COL5A3: variants seen among roughly 807,000 people sequenced by gnomAD.
COL5A3 encodes collagen type V alpha 3 chain, also known as collagen alpha-3(V) chain.
Under a neutral mutation model 250.0 loss-of-function variants are expected in COL5A3, and 172 were observed. That is an observed-to-expected ratio of 0.69 (90% confidence interval 0.61 to 0.78). The LOEUF (loss-of-function observed/expected upper bound fraction) is 0.78. Ranked by LOEUF, COL5A3 falls within the 30% of genes least tolerant of loss-of-function variation. COL5A3 has a pLI of 0.00. For missense variants in COL5A3, 2,340 were observed against 2,334.4 expected (o/e 1.00, Z -0.05); for synonymous variants, 937 against 900.4 (o/e 1.04, Z -0.73).
At chr19:9,969,443 A>T in intron 56 of COL5A3, 41 bp from the exon 57 acceptor site, 1 of 1,599,876 alleles carries the variant, frequency 6.3e-7, no homozygotes. Context: ...GCACCCTGTC[A>T]GAACACAGTG....
rs1308963677 is a variant in COL5A3 at position 9,979,905 on chromosome 19, G to A, written c.2659-13C>T. 1.3e-6 allele frequency: 2 copies of A among 1,570,652 alleles called. No individual in the cohort carries two copies. The highest frequency in any genetic ancestry group is 2.8e-5 in the African/African-American group (2 of 72,182). On this transcript the variant is annotated splice_polypyrimidine_tract_variant and intron_variant, in intron 36 of 66. Coordinates refer to ENST00000264828, the MANE Select transcript of COL5A3 (RefSeq NM_015719.4). ...TACCTTGGTGACCCTGGGGGATGAG[G>A]TGGGAAAAAGTTGGGGCACAGATAC...
chr19:10,006,536 C>A (rs1316986347), intron 1 of COL5A3, among the ~76,000 whole-genome samples: 1 of 152,128 alleles, frequency 6.6e-6, no homozygotes. Flanking sequence ...GCCTAAGCCC[C>A]AGAGTGGAAC....
rs146046518 is a variant in COL5A3, at chr19:9,990,815, A to G, written c.1992+795T>C. 9.8e-3 allele frequency among the ~76,000 whole-genome samples: 1,497 copies of G among 152,244 alleles called. 28 individuals are homozygous for G. Among genetic ancestry groups the G allele is most frequent in the East Asian group, 0.078 (402 of 5,178 alleles). ...CCTGACCTCGTGATCCCCCCATCTC[A>G]GCCTCCCAAAGTGCTAGGATTACAG... On this transcript the variant is annotated intron_variant, in intron 24 of 66. Coordinates refer to ENST00000264828, the MANE Select transcript of COL5A3 (RefSeq NM_015719.4).
rs977164353 is a variant in COL5A3, at chr19:10,010,418, A to C, written c.-33T>G. 1.9e-5 allele frequency: 26 copies of C among 1,333,822 alleles called. No homozygotes were observed. The highest frequency in any genetic ancestry group is 2.3e-5 in the Non-Finnish European group (24 of 1,032,032). The allele number at this position is 1,333,822 out of a possible 1,614,324, so 82.6% of individuals were successfully genotyped here. On this transcript the variant is annotated 5_prime_UTR_variant, in exon 1 of 67. Transcript: ENST00000264828. ...GGGCCCACGGGCAAGGCGGGGAACC[A>C]GTCGGGGCGGCTGCGGGGCGCGGCG... is the stretch of plus-strand genomic sequence containing the variant.
In COL5A3 at chr19:10,006,209, G is replaced by C. The variant is rs1198213747; in HGVS notation, c.111C>G (p.Ala37=). 6.2e-7 allele frequency: 1 copy of C among 1,602,210 alleles called. No homozygotes were observed. Among genetic ancestry groups the C allele is most frequent in the South Asian group, 1.1e-5 (1 of 89,234 alleles). The change falls in exon 2 of 67, where the codon GCC becomes GCG. Residue 37 remains alanine (A), a synonymous_variant. Coordinates refer to ENST00000264828, the MANE Select transcript of COL5A3 (RefSeq NM_015719.4). Reference sequence around the variant, plus strand: ...CAGCCTGGCCTCCCTGCACACCCAGGGCCTTCAGGACATCCACAGGATCTG... The same window carrying C: ...CAGCCTGGCCTCCCTGCACACCCAGCGCCTTCAGGACATCCACAGGATCTG... ...TQADPVDVLK[A]LGVQGGQAGV...
rs1270876077 is a variant in COL5A3, at chr19:10,010,375, C to T, written c.11G>A (p.Arg4His). ...GGCCCGCGGCTGGCCCAGGTCCCGGCGGTTCCCCATCCCGGCGGGGCCCAC... is the reference window on the plus strand; with the variant it reads ...GGCCCGCGGCTGGCCCAGGTCCCGGTGGTTCCCCATCCCGGCGGGGCCCAC... Reference protein sequence around the residue: MGNRRDLGQPRAGL... With the variant: MGNHRDLGQPRAGL... Residue 4 changes from arginine to histidine, a missense_variant, in exon 1 of 67, where the codon CGC (arginine) becomes CAC (histidine). By Grantham distance (29) the Arg-to-His change is conservative. Transcript: ENST00000264828. 2 of 1,450,148 alleles carry T rather than the reference C, an allele frequency of 1.4e-6. No homozygotes were observed. The highest frequency in any genetic ancestry group is 2.8e-5 in the South Asian group (2 of 70,820). 89.8% of individuals were successfully genotyped at this position (1,450,148 alleles called of 1,614,324 possible). A position where few individuals can be genotyped will look rare whatever the true frequency, so the allele number is the denominator to read the frequency against.
In COL5A3 at chr19:9,965,599, C is replaced by A. The variant is rs193131704; in HGVS notation, c.4782+715G>T. On this transcript the variant is annotated intron_variant, in intron 64 of 66. Transcript: ENST00000264828. ...CCCCGAGTAGCTGGGATTACAGGCG[C>A]CCGCCATCACGCTCAGCTGATTTTT... is the stretch of plus-strand genomic sequence containing the variant. Among the ~76,000 whole-genome samples the A allele has an allele frequency of 2.4e-3, 360 of 151,972 alleles. 1 individual carries two copies. The highest frequency in any genetic ancestry group is 4.4e-3 in the Non-Finnish European group (296 of 67,960).
chr19:9,973,683 C>G (rs376856666), intron 49 of COL5A3, 60 bp from the exon 50 acceptor site: 234 of 1,611,082 alleles, frequency 1.5e-4, no homozygotes, highest in Non-Finnish European at 3.1e-5. Flanking sequence ...GGAGGGGCTC[C>G]CCAGAATGTC....
In COL5A3 at chr19:9,968,792, T is replaced by C. The variant is rs1239396054; in HGVS notation, c.4153-64A>G. Reference sequence around the variant, plus strand: ...GTGAACTCGAGGTCTGTGTGGGTGGTTAGGGGATGGTCAAATGGGAAATTA... The same window carrying C: ...GTGAACTCGAGGTCTGTGTGGGTGGCTAGGGGATGGTCAAATGGGAAATTA... On this transcript the variant is annotated intron_variant, in intron 57 of 66. Coordinates refer to ENST00000264828, the MANE Select transcript of COL5A3 (RefSeq NM_015719.4). This position sits in a 1 kb window ranked among gnomAD's most constrained non-coding sequence, Gnocchi z 4.1. 1.1e-5 allele frequency: 16 copies of C among 1,404,730 alleles called. No homozygotes were observed. Among genetic ancestry groups the C allele is most frequent in the East Asian group, 2.3e-5 (1 of 42,786 alleles). The allele number at this position is 1,404,730 out of a possible 1,614,324, so 87.0% of individuals were successfully genotyped here.
chr19:10,005,809 G>A lies in COL5A3; in HGVS notation c.424C>T (p.Leu142Phe). The change falls in exon 3 of 67, where the codon CTC (leucine) becomes TTC (phenylalanine). Residue 142 changes from leucine (L) to phenylalanine (F), a missense_variant. Physicochemically the swap from Leu to Phe is conservative, Grantham distance 22 (BLOSUM62 0). Coordinates refer to ENST00000264828, the MANE Select transcript of COL5A3 (RefSeq NM_015719.4). ...CCCCATGCTCACCTGCCATCTGTGA[G>A]GTTGACCTGCTGGGGGAGGGGGCGG... is the stretch of plus-strand genomic sequence containing the variant. ...PFRPLPQQVNLTDGRWHRVAV... is the reference protein window; with the variant it reads ...PFRPLPQQVNFTDGRWHRVAV... The A allele has an allele frequency of 6.2e-7, 1 of 1,611,504 alleles. No homozygotes were observed. Among genetic ancestry groups the A allele is most frequent in the South Asian group, 1.1e-5 (1 of 90,848 alleles).
In COL5A3 at chr19:9,993,404, A is replaced by C; in HGVS notation, c.1725T>G (p.Gly575=). The change falls in exon 19 of 67, where the codon GGT becomes GGG. Residue 575 remains glycine (G), a synonymous_variant. Coordinates refer to ENST00000264828, the MANE Select transcript of COL5A3 (RefSeq NM_015719.4). ...RGDFGHVGQP[G]PPGEDGERGA... ...CCCTCTCACCATCCTCTCCTGGGGG[A>C]CCGGGTTGCCCCACATGGCCAAAGT... The C allele has an allele frequency of 6.2e-7, 1 of 1,613,928 alleles. No individual in the cohort carries two copies. Among genetic ancestry groups the C allele is most frequent in the Non-Finnish European group, 8.5e-7 (1 of 1,179,968 alleles).
rs1377465531 is a variant in COL5A3 at position 9,997,377 on chromosome 19, A to G, written c.1257T>C (p.Gly419=). ...CCCAGTGGGAGTCTCTTACCGGTGGACCAGGGTCGCCAGGGAATCCTGGGG... is the reference window on the plus strand; with the variant it reads ...CCCAGTGGGAGTCTCTTACCGGTGGGCCAGGGTCGCCAGGGAATCCTGGGG... The part of the protein sequence containing the change: ...PGPPGFPGDP[G]PPGPAGLPGI... The change falls in exon 11 of 67, where the codon GGT becomes GGC. Residue 419 remains glycine, a synonymous_variant. Coordinates refer to ENST00000264828, the MANE Select transcript of COL5A3 (RefSeq NM_015719.4). 1.2e-6 allele frequency: 2 copies of G among 1,609,132 alleles called. No homozygotes were observed. Among genetic ancestry groups the G allele is most frequent in the Non-Finnish European group, 1.7e-6 (2 of 1,177,886 alleles).
intron 1 of COL5A3, among the ~76,000 whole-genome samples, chr19:10,007,578 T>A (rs1180487051): frequency 2.7e-5 from 4 of 146,276 alleles, no homozygotes; most frequent in East Asian, 2.2e-4. Flanking sequence ...CCCCCAACCC[T>A]CAGCAAACTG....
chr19:9,996,114 G>A lies in COL5A3; in HGVS notation c.1485C>T (p.Leu495=). The change falls in exon 15 of 67, where the codon CTC becomes CTT. Residue 495 remains leucine, a synonymous_variant. Coordinates refer to ENST00000264828, the MANE Select transcript of COL5A3 (RefSeq NM_015719.4). ...GLTGRPGPVG[L]PGHPGLKGEE... Reference sequence around the variant, plus strand: ...CTCCTTTCAGACCTGGATGCCCGGGGAGACCCTTGGGGGAGGAGAGATGGA... The same window carrying A: ...CTCCTTTCAGACCTGGATGCCCGGGAAGACCCTTGGGGGAGGAGAGATGGA... 1.9e-6 allele frequency: 3 copies of A among 1,580,442 alleles called. No individual in the cohort carries two copies. The highest frequency in any genetic ancestry group is 2.6e-6 in the Non-Finnish European group (3 of 1,164,720).
Position 10,003,529 on chromosome 19 carries a change from G to C in COL5A3, c.849+36C>G, listed in dbSNP as rs139942898. 589 of 1,608,988 alleles carry C rather than the reference G, an allele frequency of 3.7e-4. 8 individuals carry two copies. In the East Asian group the frequency reaches 0.013, roughly 35 times the overall value. ...GACAGTCAAGACCGGAAGTCAGGTGGTCAAAACCGGAAGTGAGAGGTCTCA... is the reference window on the plus strand; with the variant it reads ...GACAGTCAAGACCGGAAGTCAGGTGCTCAAAACCGGAAGTGAGAGGTCTCA... On this transcript the variant is annotated intron_variant, in intron 6 of 66. Coordinates refer to ENST00000264828, the MANE Select transcript of COL5A3 (RefSeq NM_015719.4).
intron 61 of COL5A3, 143 bp from the exon 62 acceptor site, chr19:9,967,543 T>A (rs2086772036): frequency 1.6e-5 from 10 of 629,768 alleles, no homozygotes; most frequent in South Asian, 4.4e-5. Context: ...ACTCACACAC[T>A]CACACACACA....
At position 9,961,087 on chromosome 19, in the gene COL5A3, C is replaced by T. The variant is rs192165827; in HGVS notation, c.4852-197G>A. Among the ~76,000 whole-genome samples, 7 of 152,264 alleles carry T rather than the reference C, an allele frequency of 4.6e-5. No individual in the cohort carries two copies. In the East Asian group the frequency reaches 7.7e-4, roughly 17 times the overall value. On this transcript the variant is annotated intron_variant, in intron 65 of 66. Coordinates refer to ENST00000264828, the MANE Select transcript of COL5A3 (RefSeq NM_015719.4). ...CTGAACATCCACTCTGTCCACCTCTCCATCCAGTAGGCCTCCATGCCCACT... is the reference window on the plus strand; with the variant it reads ...CTGAACATCCACTCTGTCCACCTCTTCATCCAGTAGGCCTCCATGCCCACT...
chr19:9,994,559 CATATATATATATATATATATATATAT>C lies in COL5A3; in HGVS notation c.1588-779_1588-754del, dbSNP rs57642882. 5.7e-3 allele frequency among the ~76,000 whole-genome samples: 406 copies of C among 70,702 alleles called. 12 individuals carry two copies. Among genetic ancestry groups the C allele is most frequent in the African/African-American group, 0.012 (321 of 26,902 alleles). The allele number at this position is 70,702 out of a possible 152,430, so 46.4% of individuals were successfully genotyped here. Reference sequence around the variant, plus strand: ...AGGCTGGAGTTACATATATGTTTTACATATATATATATATATATATATATATATATATATATATATATATATATGGT... The same window carrying C: ...AGGCTGGAGTTACATATATGTTTTACATATATATATATATATATATATGGT... On this transcript the variant is annotated intron_variant, in intron 16 of 66. Coordinates refer to ENST00000264828, the MANE Select transcript of COL5A3 (RefSeq NM_015719.4).
At chr19:10,010,248 G>C (rs2087510957) in intron 1 of COL5A3, 50 bp downstream of exon 1, 1 of 1,118,574 alleles carries the variant, frequency 8.9e-7, no homozygotes, top group South Asian at 2.6e-5. Context: ...CTCTTTTAGA[G>C]CCTCTCTGAG....
Sources: gnomAD v4.1 joint callset for allele counts (sites outside exome capture counted in the v4.1 genomes callset) on GRCh38, gnomAD v4.1.1 for gene constraint, Gnocchi (gnomAD v3.1) non-coding constraint, MANE v1.5 for transcripts, NCBI Gene and HGNC (gene_info 2026-07-23, HGNC 2026-07-21) for gene names.